The following ZNF790 variants were observed in gnomAD, a reference collection of about 807,000 sequenced individuals.
ZNF790 encodes zinc finger protein 790.
Under a neutral mutation model 12.1 loss-of-function variants are expected in ZNF790, and 8 were observed. The ratio of observed to expected loss-of-function variants is 0.66; its 90% confidence interval spans 0.39 to 1.19. ZNF790 has a LOEUF of 1.19. Among genes scored for constraint, ZNF790 ranks in the 50% most tolerant of loss-of-function variants. ZNF790 has a pLI of 0.01. For missense variants in ZNF790, 707 were observed against 752.2 expected (o/e 0.94, Z 0.70); for synonymous variants, 252 against 244.3 (o/e 1.03, Z -0.29).
chr19:36,823,193 G>T, intron 4 of ZNF790, 92 bp downstream of exon 4: 3 of 1,185,432 alleles, frequency 2.5e-6, no homozygotes, highest in South Asian at 2.6e-5. Flanking sequence ...GGATATTCCA[G>T]ACCAATATTT....
chr19:36,820,506 G>A (rs1299127997), intron 4 of ZNF790, among the ~76,000 whole-genome samples: 2 of 152,174 alleles, frequency 1.3e-5, no homozygotes, highest in Admixed American at 1.3e-4. Flanking sequence ...TCTAATATGA[G>A]GGAAGTAATC....
At chr19:36,820,811 A>G (rs980266340) in intron 4 of ZNF790, among the ~76,000 whole-genome samples, 5 of 151,130 alleles carry the variant, frequency 3.3e-5, no homozygotes, top group Non-Finnish European at 7.4e-5. Flanking sequence ...TGGCAGCATC[A>G]CCTGAGCCTA....
At position 36,819,488 on chromosome 19, in the gene ZNF790, C is replaced by T. The variant is rs755447197; in HGVS notation, c.856G>A (p.Glu286Lys). 3.0e-5 allele frequency: 49 copies of T among 1,611,508 alleles called. No homozygotes were observed. Among genetic ancestry groups the T allele is most frequent in the Non-Finnish European group, 4.1e-5 (48 of 1,178,656 alleles). Residue 286 changes from glutamate to lysine, a missense_variant, in exon 5 of 5, where the codon GAA (glutamate) becomes AAA (lysine). By Grantham distance (56) the Glu-to-Lys change is moderately conservative. Coordinates refer to ENST00000356725, the MANE Select transcript of ZNF790 (RefSeq NM_206894.4). The stretch of plus-strand genomic sequence containing the variant: ...CCACAACTAAAGGCCTTCCCACATT[C>T]CTTACATTCATAAGATTTCTCACCA... ...HTGEKSYECK[E>K]CGKAFSCGSD...
At chr19:36,846,513 G>A (rs1035070525) in intron 1 of ZNF790, among the ~76,000 whole-genome samples, 5 of 151,976 alleles carry the variant, frequency 3.3e-5, no homozygotes, top group African/African-American at 1.2e-4. Flanking sequence ...GCAGTGAGCC[G>A]AGACAGTGCC....
intron 1 of ZNF790, among the ~76,000 whole-genome samples, chr19:36,834,730 T>G (rs1055659056): frequency 6.6e-6 from 1 of 152,174 alleles, no homozygotes; most frequent in African/African-American, 2.4e-5. Flanking sequence ...TGCATACATG[T>G]AAACACAAAA....
Position 36,819,971 on chromosome 19 carries a change from T to C in ZNF790, c.373A>G (p.Thr125Ala), listed in dbSNP as rs201635460. The C allele has an allele frequency of 1.1e-4, 175 of 1,614,006 alleles. No individual in the cohort carries two copies. Among genetic ancestry groups the C allele is most frequent in the Admixed American group, 2.8e-4 (17 of 59,994 alleles). ...LCFRGDWEGN[T>A]QFQTLQDNQE... ...TTATCTTGAAGTGTTTGAAACTGAG[T>C]GTTGCCTTCCCAGTCACCTCTAAAA... Residue 125 changes from threonine to alanine, a missense_variant, in exon 5 of 5, where the codon ACT becomes GCT. Thr to Ala is a moderately conservative substitution (Grantham distance 58). Transcript: ENST00000356725.
chr19:36,820,129 G>A lies in ZNF790; in HGVS notation c.230-15C>T, dbSNP rs1334416277. ...CGACTGCATGTCTGAAAAATAAGAAGGTAAAAACATCATACGGTTGTATGT... is the reference window on the plus strand; with the variant it reads ...CGACTGCATGTCTGAAAAATAAGAAAGTAAAAACATCATACGGTTGTATGT... On this transcript the variant is annotated splice_polypyrimidine_tract_variant and intron_variant, in intron 4 of 4. Coordinates refer to ENST00000356725, the MANE Select transcript of ZNF790 (RefSeq NM_206894.4). 1 of 1,590,530 alleles carries A rather than the reference G, an allele frequency of 6.3e-7. No homozygotes were observed.
Position 36,819,222 on chromosome 19 carries a change from G to C in ZNF790, c.1122C>G (p.Ala374=). 5.0e-6 allele frequency: 8 copies of C among 1,613,928 alleles called. No individual in the cohort carries two copies. Among genetic ancestry groups the C allele is most frequent in the Non-Finnish European group, 5.9e-6 (7 of 1,179,986 alleles). Residue 374 remains alanine, a synonymous_variant, in exon 5 of 5, where the codon GCC becomes GCG. Transcript: ENST00000356725. ...GAGCAAGATTTGAACCACGAATAAA[G>C]GCTTTTCCACATTCCTTACACTCAT... ...KSHECKECGK[A]FIRGSNLAQH... is the part of the protein sequence containing the mutation.
chr19:36,842,613 G>C (rs1299504447), upstream of ZNF790, among the ~76,000 whole-genome samples: 1 of 151,806 alleles, frequency 6.6e-6, no homozygotes, highest in Non-Finnish European at 1.5e-5. Flanking sequence ...ACAATGGAGT[G>C]GCTTGCAGCA....
intron 4 of ZNF790, among the ~76,000 whole-genome samples, chr19:36,820,598 G>C (rs2071646237): frequency 1.3e-5 from 2 of 152,276 alleles, no homozygotes; most frequent in South Asian, 4.1e-4. Context: ...ATGGGTGATA[G>C]TTCAGACAGA....
intron 1 of ZNF790, among the ~76,000 whole-genome samples, chr19:36,832,975 T>TAA (rs763094890): frequency 0.28 from 36,947 of 134,340 alleles, 5,017 homozygotes; most frequent in South Asian, 0.39. Flanking sequence ...AGACCTTCTC[T>TAA]AAAAAAAAAA....
intron 1 of ZNF790, among the ~76,000 whole-genome samples, chr19:36,846,899 G>T (rs2072185559): frequency 6.6e-6 from 1 of 152,148 alleles, no homozygotes; most frequent in Non-Finnish European, 1.5e-5. Flanking sequence ...GTTTTCCAAT[G>T]AGCACAGCTT....
chr19:36,819,551 A>T lies in ZNF790; in HGVS notation c.793T>A (p.Phe265Ile), dbSNP rs761574791. Reference sequence around the variant, plus strand: ...TTATGGACACTAAGTTGTGAATGAAATCTAAAGGCTTTCCCACAATCCTTA... The same window carrying T: ...TTATGGACACTAAGTTGTGAATGAATTCTAAAGGCTTTCCCACAATCCTTA... ...KCKDCGKAFR[F>I]HSQLSVHKRI... Residue 265 changes from phenylalanine to isoleucine, a missense_variant, in exon 5 of 5, where the codon TTT becomes ATT. Phe to Ile is a conservative substitution (Grantham distance 21). Transcript: ENST00000356725. 6.2e-7 allele frequency: 1 copy of T among 1,612,668 alleles called. No homozygotes were observed. Among genetic ancestry groups the T allele is most frequent in the South Asian group, 1.1e-5 (1 of 91,042 alleles).
At chr19:36,829,906 A>AAAG (rs1436243829) in intron 1 of ZNF790, among the ~76,000 whole-genome samples, 1 of 152,160 alleles carries the variant, frequency 6.6e-6, no homozygotes, top group African/African-American at 2.4e-5. Context: ...CATTCATGTA[A>AAAG]AAGTTTTTGT....
chr19:36,840,733 T>C (rs2072122635), upstream of ZNF790, among the ~76,000 whole-genome samples: 1 of 152,202 alleles, frequency 6.6e-6, no homozygotes, highest in Admixed American at 6.5e-5. Context: ...ATAAGTAGTC[T>C]CAGACCTGCT....
rs768177535 is a variant in ZNF790 at position 36,818,420 on chromosome 19, TTTATA to T, written c.*8_*12del. ...TCATGAATAAAGCCCTTCCTACACT[TTTATA>T]TAATATTTCACAAGAGTGAAATGAA... On this transcript the variant is annotated 3_prime_UTR_variant, in exon 5 of 5. Coordinates refer to ENST00000356725, the MANE Select transcript of ZNF790 (RefSeq NM_206894.4). The T allele has an allele frequency of 6.6e-7, 1 of 1,516,282 alleles. No individual in the cohort carries two copies. The highest frequency in any genetic ancestry group is 8.8e-7 in the Non-Finnish European group (1 of 1,131,324). 93.9% of individuals were successfully genotyped at this position (1,516,282 alleles called of 1,614,324 possible).
chr19:36,846,300 T>G (rs1464976673), intron 1 of ZNF790, among the ~76,000 whole-genome samples: 2 of 152,146 alleles, frequency 1.3e-5, no homozygotes, highest in East Asian at 3.9e-4. Flanking sequence ...GGCTCACGCC[T>G]GTAGTCCCAG....
At chr19:36,832,837 G>GCTCTC (rs1411061461) in intron 1 of ZNF790, among the ~76,000 whole-genome samples, 1 of 152,288 alleles carries the variant, frequency 6.6e-6, no homozygotes, top group East Asian at 1.9e-4. Context: ...TGTGATAACT[G>GCTCTC]AGAGATAAAG....
At position 36,823,294 on chromosome 19, in the gene ZNF790, G is replaced by C. The variant is rs1381499813; in HGVS notation, c.220C>G (p.Pro74Ala). 1 of 1,613,876 alleles carries C rather than the reference G, an allele frequency of 6.2e-7. No homozygotes were observed. Residue 74 changes from proline to alanine, a missense_variant, in exon 4 of 5, where the codon CCT (proline) becomes GCT (alanine). Physicochemically the swap from Pro to Ala is conservative, Grantham distance 27. Transcript: ENST00000356725. Reference protein sequence around the residue: ...WKILRDETRGPCPDMQSRCQT... With the variant: ...WKILRDETRGACPDMQSRCQT... ...TTCAGCCCTCACTCACCTGGGCAAG[G>C]TCCTCTTGTCTCATCCCTCAAAATC...
Sources: gnomAD v4.1 joint callset for allele counts (sites outside exome capture counted in the v4.1 genomes callset) on GRCh38, gnomAD v4.1.1 for gene constraint, MANE v1.5 for transcripts, NCBI Gene and HGNC (gene_info 2026-07-23, HGNC 2026-07-21) for gene names.